The following SVIL variants were observed in gnomAD, a reference collection of about 807,000 sequenced individuals.
SVIL encodes archvillin.
In SVIL, 101 loss-of-function variants were observed where a neutral mutation model predicts 240.4. The ratio of observed to expected loss-of-function variants is 0.42; its 90% confidence interval spans 0.36 to 0.50. The LOEUF (loss-of-function observed/expected upper bound fraction) is 0.50. Ranked by LOEUF, SVIL falls within the 20% of genes least tolerant of loss-of-function variation. The pLI, the probability that SVIL is intolerant of heterozygous loss-of-function variation, is 0.01. For synonymous variants in SVIL, 999 were observed against 1,100.0 expected, an observed-to-expected ratio of 0.91 and a Z score of 1.82; for missense variants, 2,512 against 2,818.7, an observed-to-expected ratio of 0.89 and a Z score of 2.46.
At chr10:29,734,694 G>A (rs946611459) in intron 1 of SVIL, among the ~76,000 whole-genome samples, 2 of 152,162 alleles carry the variant, frequency 1.3e-5, no homozygotes, top group Non-Finnish European at 1.5e-5. Context: ...GATTGACTGC[G>A]AGGGGCTAGG....
chr10:29,646,019 C>G (rs1476525169), intron 3 of SVIL, among the ~76,000 whole-genome samples: 1 of 152,180 alleles, frequency 6.6e-6, no homozygotes, highest in Non-Finnish European at 1.5e-5. Flanking sequence ...GACATGGGCC[C>G]CCTAAAATGT....
intron 1 of SVIL, among the ~76,000 whole-genome samples, chr10:29,702,884 G>T (rs948153181): frequency 2.0e-5 from 3 of 152,098 alleles, no homozygotes; most frequent in Non-Finnish European, 4.4e-5. Flanking sequence ...GGAGAAAAAG[G>T]GTAGAATCGT....
chr10:29,588,034 T>C (rs1024946453), intron 1 of SVIL, among the ~76,000 whole-genome samples: 6 of 152,142 alleles, frequency 3.9e-5, no homozygotes, highest in Non-Finnish European at 7.3e-5. Context: ...TGGTGATTAA[T>C]TGCAGCACAT....
chr10:29,585,908 G>C, intron 1 of SVIL, among the ~76,000 whole-genome samples: 1 of 152,356 alleles, frequency 6.6e-6, no homozygotes, highest in Non-Finnish European at 1.5e-5. Flanking sequence ...CTCTGAGCGC[G>C]GTCACTGCCC....
intron 17 of SVIL, among the ~76,000 whole-genome samples, chr10:29,511,863 A>G (rs1428424377): frequency 1.3e-5 from 2 of 152,228 alleles, no homozygotes; most frequent in Non-Finnish European, 2.9e-5. Context: ...TTCTTAATGC[A>G]TGAAAGTCAC....
At chr10:29,718,885 A>G (rs1041889352) in intron 1 of SVIL, among the ~76,000 whole-genome samples, 1 of 152,158 alleles carries the variant, frequency 6.6e-6, no homozygotes, top group African/African-American at 2.4e-5. Context: ...CGAGGTGGGC[A>G]GTTTACCTGA....
At position 29,532,928 on chromosome 10, in the gene SVIL, G is replaced by A. The variant is rs752481145; in HGVS notation, c.1439C>T (p.Pro480Leu). ...CTCTAAGGTGACTGTGCTCACAGCA[G>A]GCTTACCAAAGTCCTCATTTCTAGA... ...DPSRNEDFGKPAVSTVTLEHQ... is the reference protein window; with the variant it reads ...DPSRNEDFGKLAVSTVTLEHQ... The change falls in exon 8 of 38, where the codon CCT becomes CTT. Residue 480 changes from proline to leucine, a missense_variant. Transcript: ENST00000355867. The A allele has an allele frequency of 2.4e-5, 38 of 1,614,000 alleles. No homozygotes were observed. The Admixed American group carries it at 4.3e-4, about 18-fold the overall frequency.
At chr10:29,514,445 C>A (rs1950075028) in intron 16 of SVIL, among the ~76,000 whole-genome samples, 1 of 152,106 alleles carries the variant, frequency 6.6e-6, no homozygotes, top group Non-Finnish European at 1.5e-5. Context: ...TCTTGCTATG[C>A]TGCTCAGGCT....
chr10:29,537,803 G>A (rs1401888425), intron 6 of SVIL, among the ~76,000 whole-genome samples: 7 of 152,146 alleles, frequency 4.6e-5, no homozygotes, highest in East Asian at 1.9e-4. Context: ...CCTCTATCTC[G>A]GTCTAGGCTT....
chr10:29,542,602 T>C (rs945792287), intron 6 of SVIL, among the ~76,000 whole-genome samples: 2 of 152,192 alleles, frequency 1.3e-5, no homozygotes, highest in Non-Finnish European at 2.9e-5. Flanking sequence ...GATACAGGCA[T>C]GCAATGCGTA....
chr10:29,492,506 C>T (rs1274832564), intron 21 of SVIL, among the ~76,000 whole-genome samples: 1 of 152,032 alleles, frequency 6.6e-6, no homozygotes, highest in Non-Finnish European at 1.5e-5. Flanking sequence ...AACCCCTCCG[C>T]ACTGTTCAGT....
chr10:29,579,149 G>T (rs997709423), intron 1 of SVIL, among the ~76,000 whole-genome samples: 1 of 152,034 alleles, frequency 6.6e-6, no homozygotes, highest in Non-Finnish European at 1.5e-5. Context: ...TAAAAACGGG[G>T]ACAATGGGCC....
At chr10:29,689,875 T>A (rs1027778876) in intron 1 of SVIL, among the ~76,000 whole-genome samples, 9 of 152,136 alleles carry the variant, frequency 5.9e-5, no homozygotes, top group African/African-American at 2.2e-4. Flanking sequence ...TTCCCCCAAA[T>A]ACAGAATTTC....
intron 6 of SVIL, among the ~76,000 whole-genome samples, chr10:29,544,286 G>A (rs534181901): frequency 6.6e-5 from 10 of 152,174 alleles, no homozygotes; most frequent in East Asian, 3.9e-4. Context: ...GCTAAAAGTC[G>A]CTTGTTTGGA....
At chr10:29,702,421 GC>G (rs1962590617) in intron 1 of SVIL, among the ~76,000 whole-genome samples, 1 of 152,104 alleles carries the variant, frequency 6.6e-6, no homozygotes, top group Non-Finnish European at 1.5e-5. Flanking sequence ...GCTGGGTTCT[GC>G]GTGAGATTAA....
At position 29,488,690 on chromosome 10, in the gene SVIL, T is replaced by C; in HGVS notation, c.4259A>G (p.Asn1420Ser). The stretch of plus-strand genomic sequence containing the variant: ...CAGGTTGACGCTCCGCAGGCTGACG[T>C]TGCTGAAGTTTTCTTTACTGGCTAA... ...AGLASKENFS[N>S]VSLRSVNLTE... The change falls in exon 23 of 38, where the codon AAC (asparagine) becomes AGC (serine). Residue 1420 changes from asparagine to serine, a missense_variant. By Grantham distance (46) the Asn-to-Ser change is conservative. Transcript: ENST00000355867. 6.2e-7 allele frequency: 1 copy of C among 1,613,012 alleles called. No individual in the cohort carries two copies. The highest frequency in any genetic ancestry group is 8.5e-7 in the Non-Finnish European group (1 of 1,179,618).
intron 1 of SVIL, among the ~76,000 whole-genome samples, chr10:29,613,068 T>A (rs1957305024): frequency 6.6e-6 from 1 of 151,108 alleles, no homozygotes; most frequent in Admixed American, 6.6e-5. Flanking sequence ...TACCAGCTAC[T>A]CGGGAGGCTG....
intron 1 of SVIL, among the ~76,000 whole-genome samples, chr10:29,720,484 T>C (rs1475286889): frequency 1.3e-5 from 2 of 152,118 alleles, no homozygotes; most frequent in South Asian, 2.1e-4. Flanking sequence ...CATATAAAAA[T>C]GGAATGAATT....
At chr10:29,676,495 C>T (rs1960216469) in intron 2 of SVIL, among the ~76,000 whole-genome samples, 1 of 152,226 alleles carries the variant, frequency 6.6e-6, no homozygotes, top group Non-Finnish European at 1.5e-5. Flanking sequence ...AGAGAGCTTA[C>T]AAAGCAGTCT....
Sources: allele counts gnomAD v4.1 joint callset (sites outside exome capture counted in the v4.1 genomes callset), GRCh38; gene constraint gnomAD v4.1.1; transcripts MANE v1.5; gene names NCBI Gene and HGNC (gene_info 2026-07-23, HGNC 2026-07-21).